The following XPO6 variants were observed in gnomAD, a reference collection of about 807,000 sequenced individuals.
XPO6 encodes exportin 6, also known as exportin-6.
In XPO6, 3 loss-of-function variants were observed where a neutral mutation model predicts 130.0. That is an observed-to-expected ratio of 0.02 (90% CI 0.01 to 0.06). The LOEUF (loss-of-function observed/expected upper bound fraction) is 0.06. Among genes scored for constraint, XPO6 ranks in the 10% least tolerant of loss-of-function variants. The pLI, the probability that XPO6 is intolerant of heterozygous loss-of-function variation, is 1.00. For missense variants in XPO6, 970 were observed against 1,393.0 expected (o/e 0.70, Z 4.83); for synonymous variants, 524 against 548.9 (o/e 0.95, Z 0.63).
At chr16:28,170,313 C>T (rs552063545) in intron 4 of XPO6, among the ~76,000 whole-genome samples, 1 of 137,786 alleles carries the variant, frequency 7.3e-6, no homozygotes, top group South Asian at 2.3e-4. Flanking sequence ...GCCTGGGCAC[C>T]GAGAGCAAAA....
intron 10 of XPO6, 42 bp downstream of exon 10, chr16:28,135,171 CACA>C (rs2042750743): frequency 6.5e-7 from 1 of 1,537,366 alleles, no homozygotes; most frequent in South Asian, 1.1e-5. Context: ...TGATTGATGT[CACA>C]ACATGACAGC....
In XPO6 at chr16:28,106,125, T is replaced by C. The variant is rs1394522845; in HGVS notation, c.2702A>G (p.Gln901Arg). Reference protein sequence around the residue: ...KFLKILQVVVQEPGQVFKPFL... With the variant: ...KFLKILQVVVREPGQVFKPFL... ...GGGCTTGAACACCTGGCCTGGCTCC[T>C]GGACCACCACCTGCAGGATCTTCAG... The change falls in exon 20 of 24, where the codon CAG (glutamine) becomes CGG (arginine). Residue 901 changes from glutamine to arginine, a missense_variant. By Grantham distance (43) the Gln-to-Arg change is conservative (BLOSUM62 1). Coordinates refer to ENST00000304658, the MANE Select transcript of XPO6 (RefSeq NM_015171.4). The surrounding 1 kb of genome is among the most constrained non-coding windows in gnomAD (Gnocchi z 4.2). The C allele has an allele frequency of 2.5e-5, 41 of 1,614,104 alleles. No individual in the cohort carries two copies. Among genetic ancestry groups the C allele is most frequent in the Non-Finnish European group, 3.2e-5 (38 of 1,180,060 alleles).
intron 1 of XPO6, among the ~76,000 whole-genome samples, chr16:28,210,555 G>A (rs1392590207): frequency 2.6e-5 from 4 of 152,150 alleles, no homozygotes; most frequent in Non-Finnish European, 4.4e-5. Context: ...GAGCAAAAAG[G>A]CAAATGCTTA....
Position 28,163,687 on chromosome 16 carries a change from GA to G in XPO6, c.643+2820del, listed in dbSNP as rs563293558. ...AAGGACATCAGCGGTCAGAGAAGGT[GA>G]AGGATCCACTCAAGGTCACAGAGTA... On this transcript the variant is annotated intron_variant, in intron 6 of 23. Transcript: ENST00000304658. Among the ~76,000 whole-genome samples the G allele has an allele frequency of 3.3e-5, 5 of 152,334 alleles. No individual in the cohort carries two copies. In the South Asian group the frequency reaches 1.0e-3, roughly 32 times the overall value.
intron 2 of XPO6, 25 bp downstream of exon 2, chr16:28,180,916 C>CTT: frequency 6.3e-7 from 1 of 1,597,064 alleles, no homozygotes; most frequent in Non-Finnish European, 8.5e-7. Context: ...ATAAATTCCT[C>CTT]TTTACAAGTC....
chr16:28,177,850 G>A (rs866090117), intron 2 of XPO6, among the ~76,000 whole-genome samples: 4 of 152,136 alleles, frequency 2.6e-5, no homozygotes, highest in South Asian at 4.1e-4. Context: ...AATTCAAAAC[G>A]GCTAACTCTT....
chr16:28,141,505 C>T (rs190355098), intron 9 of XPO6, among the ~76,000 whole-genome samples: 27 of 152,258 alleles, frequency 1.8e-4, no homozygotes, highest in African/African-American at 6.3e-4. Flanking sequence ...GCACAACCAT[C>T]CAAAAGCACA....
chr16:28,168,794 T>TC (rs1567635807), intron 5 of XPO6, among the ~76,000 whole-genome samples: 2 of 151,004 alleles, frequency 1.3e-5, no homozygotes, highest in African/African-American at 4.9e-5. Context: ...TTTTTTTTTT[T>TC]CCAGAAATGG....
At chr16:28,187,918 A>G (rs1433815827) in intron 1 of XPO6, among the ~76,000 whole-genome samples, 2 of 151,978 alleles carry the variant, frequency 1.3e-5, no homozygotes, top group East Asian at 3.9e-4. Context: ...CTGTGTTGAA[A>G]AACAGGAGAC....
chr16:28,211,251 C>T, intron 1 of XPO6, 115 bp downstream of exon 1: 2 of 1,140,096 alleles, frequency 1.8e-6, no homozygotes, highest in Non-Finnish European at 2.3e-6. Flanking sequence ...GGCCAGGCTC[C>T]GCACGCGCCT....
At chr16:28,206,475 G>A (rs9938000) in intron 1 of XPO6, among the ~76,000 whole-genome samples, 43,565 of 152,020 alleles carry the variant, frequency 0.29, 6,361 homozygotes, top group Middle Eastern at 0.33. Context: ...TTGAGACCAG[G>A]AGATCGAGGT....
chr16:28,210,860 C>T (rs2044117999), intron 1 of XPO6, among the ~76,000 whole-genome samples: 1 of 152,218 alleles, frequency 6.6e-6, no homozygotes, highest in Non-Finnish European at 1.5e-5. Flanking sequence ...GTTTCTCCTA[C>T]AATCACCCAG....
At chr16:28,163,103 T>C (rs1170157233) in intron 6 of XPO6, among the ~76,000 whole-genome samples, 1 of 152,110 alleles carries the variant, frequency 6.6e-6, no homozygotes, top group Non-Finnish European at 1.5e-5. Flanking sequence ...AAATATCCCC[T>C]GCAGGACAAA....
At chr16:28,137,852 C>A (rs1255391583) in intron 9 of XPO6, among the ~76,000 whole-genome samples, 1 of 152,086 alleles carries the variant, frequency 6.6e-6, no homozygotes, top group Non-Finnish European at 1.5e-5. Context: ...AGCTTTTCAG[C>A]CCCTGCCCTC....
intron 6 of XPO6, chr16:28,165,359 T>C (rs1038492881): frequency 6.6e-6 from 1 of 152,230 alleles, no homozygotes; most frequent in Non-Finnish European, 1.5e-5. Context: ...TACCGCAACA[T>C]ATAAATCTGC....
chr16:28,186,000 T>C lies in XPO6; in HGVS notation c.4-4969A>G, dbSNP rs114956186. Among the ~76,000 whole-genome samples the C allele has an allele frequency of 4.5e-3, 685 of 152,328 alleles. 6 individuals carry two copies. Among genetic ancestry groups the C allele is most frequent in the African/African-American group, 0.016 (665 of 41,558 alleles). Reference sequence around the variant, plus strand: ...TCTGCTCCTTTTACTTTGCTGCTCATGGGTCAGCAGTTCAGAGATCTATGC... The same window carrying C: ...TCTGCTCCTTTTACTTTGCTGCTCACGGGTCAGCAGTTCAGAGATCTATGC... On this transcript the variant is annotated intron_variant, in intron 1 of 23. Coordinates refer to ENST00000304658, the MANE Select transcript of XPO6 (RefSeq NM_015171.4).
intron 21 of XPO6, among the ~76,000 whole-genome samples, chr16:28,103,558 A>T (rs753511364): frequency 6.6e-6 from 1 of 152,250 alleles, no homozygotes; most frequent in Non-Finnish European, 1.5e-5. Flanking sequence ...AGAAACTGCC[A>T]AACTGTGAAA....
intron 1 of XPO6, among the ~76,000 whole-genome samples, chr16:28,209,990 A>G (rs532875078): frequency 6.6e-6 from 1 of 152,236 alleles, no homozygotes; most frequent in Admixed American, 6.5e-5. Flanking sequence ...TTAGCCAGGC[A>G]TGGTGGCACT....
rs2086929254 is a variant in XPO6, at chr16:28,111,850, C to A, written c.2308G>T (p.Val770Phe). The A allele has an allele frequency of 6.2e-7, 1 of 1,613,974 alleles. No homozygotes were observed. The highest frequency in any genetic ancestry group is 8.5e-7 in the Non-Finnish European group (1 of 1,180,008). ...RDYRNLKPSA[V>F]APQRKMPLDD... Reference sequence around the variant, plus strand: ...AGTGGCATCTTTCTCTGTGGGGCAACAGCACTGGGCTTCAGGTTGCGATAG... The same window carrying A: ...AGTGGCATCTTTCTCTGTGGGGCAAAAGCACTGGGCTTCAGGTTGCGATAG... Residue 770 changes from valine (V) to phenylalanine (F), a missense_variant, in exon 17 of 24, where the codon GTT becomes TTT. This residue lies in a region of XPO6 where 936 missense variants were observed against 1,306.8 expected (regional missense o/e 0.72). Coordinates refer to ENST00000304658, the MANE Select transcript of XPO6 (RefSeq NM_015171.4).
Sources: allele counts gnomAD v4.1 joint callset (sites outside exome capture counted in the v4.1 genomes callset), GRCh38; gene constraint gnomAD v4.1.1; regional missense constraint gnomAD v4.1.1; non-coding constraint Gnocchi (gnomAD v3.1); transcripts MANE v1.5; gene names NCBI Gene and HGNC (gene_info 2026-07-23, HGNC 2026-07-21).